Variants in ZBTB38 observed in about 807,000 individuals in gnomAD.
ZBTB38 encodes the protein zinc finger and BTB domain containing 38.
Under a neutral mutation model 76.8 loss-of-function variants are expected in ZBTB38, and 20 were observed. That is an observed-to-expected ratio of 0.26 (90% CI 0.18 to 0.38). ZBTB38 has a LOEUF of 0.38. Among genes scored for constraint, ZBTB38 ranks in the 10% least tolerant of loss-of-function variants. The pLI is 1.00. For synonymous variants in ZBTB38, 504 were observed against 544.2 expected, an observed-to-expected ratio of 0.93 and a Z score of 1.03; for missense variants, 1,082 against 1,482.3, an observed-to-expected ratio of 0.73 and a Z score of 4.43.
intron 1 of ZBTB38, among the ~76,000 whole-genome samples, chr3:141,354,868 A>G (rs1943616970): frequency 6.6e-6 from 1 of 151,924 alleles, no homozygotes; most frequent in Non-Finnish European, 1.5e-5. Flanking sequence ...GCACTGGGAG[A>G]ATGATAGGCG....
At chr3:141,396,021 T>C (rs913821859) in intron 4 of ZBTB38, among the ~76,000 whole-genome samples, 1 of 152,238 alleles carries the variant, frequency 6.6e-6, no homozygotes, top group Admixed American at 6.5e-5. Context: ...TGCTGACTAA[T>C]CAGTGTTGTG....
rs544567900 is a variant in ZBTB38, at chr3:141,332,475, G to A, written c.-739+8019G>A. Among the ~76,000 whole-genome samples, 144 of 152,324 alleles carry A rather than the reference G, an allele frequency of 9.5e-4. 1 individual carries two copies. Among genetic ancestry groups the A allele is most frequent in the African/African-American group, 3.3e-3 (139 of 41,568 alleles). On this transcript the variant is annotated intron_variant, in intron 1 of 7. Coordinates refer to the ZBTB38 transcript ENST00000509842. ...ACTCCTCTCAGCTCTGAGCCCTGCA[G>A]CCCTAGCTGCACCTCCAAACTTGGC...
upstream of ZBTB38, among the ~76,000 whole-genome samples, chr3:141,365,769 T>G (rs987773864): frequency 2.6e-5 from 4 of 152,150 alleles, no homozygotes; most frequent in African/African-American, 9.7e-5. Flanking sequence ...TGGTGTTTTT[T>G]GGGGTGGTGA....
chr3:141,346,326 A>G (rs2148920737), intron 1 of ZBTB38, among the ~76,000 whole-genome samples: 1 of 152,330 alleles, frequency 6.6e-6, no homozygotes, highest in Middle Eastern at 3.4e-3. Flanking sequence ...TTTCTCTGTG[A>G]ATAACCTTGA....
chr3:141,398,502 A>T (rs1380443413), intron 4 of ZBTB38, among the ~76,000 whole-genome samples: 1 of 152,284 alleles, frequency 6.6e-6, no homozygotes, highest in South Asian at 2.1e-4. Context: ...ATTTTATGTC[A>T]TTTTAAATAC....
At chr3:141,400,699 C>T (rs756614391) in intron 4 of ZBTB38, among the ~76,000 whole-genome samples, 1 of 152,184 alleles carries the variant, frequency 6.6e-6, no homozygotes, top group African/African-American at 2.4e-5. Flanking sequence ...GCAATCATAG[C>T]GTGCTTACAT....
rs931587186 is a variant in ZBTB38 at position 141,392,149 on chromosome 3, C to T, written c.-106+5212C>T. Among the ~76,000 whole-genome samples, 11 of 152,288 alleles carry T rather than the reference C, an allele frequency of 7.2e-5. No individual in the cohort carries two copies. In the East Asian group the frequency reaches 7.7e-4, roughly 11 times the overall value. The stretch of plus-strand genomic sequence containing the variant: ...CTGACTTTGCTTATCACAGTAGAGG[C>T]GGCCTGGCTGGCATGTTATACTTCG... On this transcript the variant is annotated intron_variant, in intron 4 of 5. Transcript: ENST00000321464.
chr3:141,379,810 T>C (rs1462341736), intron 2 of ZBTB38, among the ~76,000 whole-genome samples: 2 of 152,236 alleles, frequency 1.3e-5, no homozygotes, highest in East Asian at 3.9e-4. Flanking sequence ...TCAAGTCTGG[T>C]TCTCTGACAA....
In ZBTB38 at chr3:141,442,350, G is replaced by A. The variant is rs775610126; in HGVS notation, c.1-39G>A. ...TAGTCTAGAGATAAAGAAGCCACCT[G>A]TGGAAGATTATCTGACCATTTCTCT... On this transcript the variant is annotated intron_variant, in intron 5 of 5. Transcript: ENST00000321464. The surrounding 1 kb of genome is among the most constrained non-coding windows in gnomAD (Gnocchi z 6.4). 3.3e-5 allele frequency: 49 copies of A among 1,487,266 alleles called. No homozygotes were observed. In the South Asian group the frequency reaches 5.5e-4, roughly 17 times the overall value. The allele number at this position is 1,487,266 out of a possible 1,614,324, so 92.1% of individuals were successfully genotyped here.
intron 1 of ZBTB38, among the ~76,000 whole-genome samples, chr3:141,347,426 C>G (rs1447264849): frequency 6.6e-6 from 1 of 152,172 alleles, no homozygotes; most frequent in African/African-American, 2.4e-5. Context: ...GAGGCATGTA[C>G]ACATATATTT....
rs1015427667 is a variant in ZBTB38 at position 141,448,166 on chromosome 3, C to G, written c.*2190C>G. 6.6e-6 allele frequency: 1 copy of G among 152,514 alleles called. No individual in the cohort carries two copies. Among genetic ancestry groups the G allele is most frequent in the African/African-American group, 2.4e-5 (1 of 41,402 alleles). 9.4% of individuals were successfully genotyped at this position (152,514 alleles called of 1,614,324 possible). On this transcript the variant is annotated 3_prime_UTR_variant, in exon 6 of 6. Transcript: ENST00000321464. ...TGAGTTAACCCCAAATATAAAATTA[C>G]CTGTAGTGATGTCTCTCTCCCAGCC...
At chr3:141,411,952 T>A (rs1956801807) in intron 5 of ZBTB38, among the ~76,000 whole-genome samples, 1 of 152,186 alleles carries the variant, frequency 6.6e-6, no homozygotes, top group Non-Finnish European at 1.5e-5. Flanking sequence ...CTTTTAAGAG[T>A]TTCTTTTCTA....
intron 5 of ZBTB38, among the ~76,000 whole-genome samples, chr3:141,406,870 G>A (rs761256728): frequency 3.3e-5 from 5 of 152,138 alleles, no homozygotes; most frequent in African/African-American, 4.8e-5. Flanking sequence ...ATTCACAAGT[G>A]CAAAGTTACA....
chr3:141,353,847 A>C (rs924538640), intron 1 of ZBTB38, among the ~76,000 whole-genome samples: 1 of 152,136 alleles, frequency 6.6e-6, no homozygotes, highest in Non-Finnish European at 1.5e-5. Flanking sequence ...CTTGGAAGCT[A>C]TCCTGGACTC....
chr3:141,444,506 G>T lies in ZBTB38; in HGVS notation c.2118G>T (p.Val706=). The change falls in exon 6 of 6, where the codon GTG becomes GTT. Residue 706 remains valine (V), a synonymous_variant. Transcript: ENST00000321464. The surrounding 1 kb of genome is among the most constrained non-coding windows in gnomAD (Gnocchi z 5.1). ...ATAGCAGTGAGAATGCCGCCTCTGTGATCAGCTACAGTGGCTCTGCACCCT... is the reference window on the plus strand; with the variant it reads ...ATAGCAGTGAGAATGCCGCCTCTGTTATCAGCTACAGTGGCTCTGCACCCT... The part of the protein sequence containing the change: ...LSNSSENAAS[V]ISYSGSAPSV... 1 of 1,614,168 alleles carries T rather than the reference G, an allele frequency of 6.2e-7. No homozygotes were observed. Among genetic ancestry groups the T allele is most frequent in the Non-Finnish European group, 8.5e-7 (1 of 1,180,040 alleles).
At chr3:141,358,727 C>A (rs1359690060) in intron 1 of ZBTB38, among the ~76,000 whole-genome samples, 1 of 152,174 alleles carries the variant, frequency 6.6e-6, no homozygotes, top group Non-Finnish European at 1.5e-5. Context: ...CCTCCCTAAG[C>A]CCCTATCTCC....
intron 5 of ZBTB38, among the ~76,000 whole-genome samples, chr3:141,429,052 C>CTTAA (rs1232000980): frequency 6.6e-6 from 1 of 152,054 alleles, no homozygotes; most frequent in Admixed American, 6.6e-5. Flanking sequence ...GTTCCAGGTG[C>CTTAA]TTAAGATATG....
At chr3:141,384,647 C>T (rs1308073850) in intron 3 of ZBTB38, among the ~76,000 whole-genome samples, 3 of 152,134 alleles carry the variant, frequency 2.0e-5, no homozygotes, top group South Asian at 2.1e-4. Flanking sequence ...CTCTAATTCT[C>T]GACCCCCATG....
At chr3:141,434,066 A>G (rs1341266302) in intron 5 of ZBTB38, 3 of 322,590 alleles carry the variant, frequency 9.3e-6, no homozygotes, top group Non-Finnish European at 1.3e-5. Flanking sequence ...AGGTGCAGGG[A>G]GTACAAAGAT....
Sources: gnomAD v4.1 joint callset for allele counts (sites outside exome capture counted in the v4.1 genomes callset) on GRCh38, gnomAD v4.1.1 for gene constraint, Gnocchi (gnomAD v3.1) non-coding constraint, MANE v1.5 for transcripts, NCBI Gene and HGNC (gene_info 2026-07-23, HGNC 2026-07-21) for gene names.